Variants in ACCSL observed in about 807,000 individuals in gnomAD.
ACCSL encodes 1-aminocyclopropane-1-carboxylate synthase homolog (inactive) like, also known as probable inactive 1-aminocyclopropane-1-carboxylate synthase-like protein 2.
Under a neutral mutation model 61.7 loss-of-function variants are expected in ACCSL, and 55 were observed. The observed-to-expected ratio is 0.89, with a 90% CI of 0.72 to 1.12. The LOEUF (loss-of-function observed/expected upper bound fraction) is 1.12. Among genes scored for constraint, ACCSL ranks in the 50% most tolerant of loss-of-function variants. ACCSL has a pLI of 0.00. For synonymous variants in ACCSL, 258 were observed against 264.3 expected, an observed-to-expected ratio of 0.98 and a Z score of 0.23; for missense variants, 632 against 698.0, an observed-to-expected ratio of 0.91 and a Z score of 1.07.
At chr11:43,943,114 G>A in the ACCSL span, 7 of 1,499,094 alleles carry the variant, frequency 4.7e-6, no homozygotes, top group South Asian at 6.4e-5. The surrounding 1 kb of genome is among the most constrained non-coding windows in gnomAD (Gnocchi z 4.8). Context: ...AGGAGGAGGG[G>A]GTGTCCCCCA....
At chr11:43,953,705 G>A in the ACCSL span, among the ~76,000 whole-genome samples, 2 of 152,174 alleles carry the variant, frequency 1.3e-5, no homozygotes, top group Admixed American at 6.5e-5. Flanking sequence ...GCCATGTCAG[G>A]AAGTTCACCT....
At chr11:43,936,643 TG>T in the ACCSL span, among the ~76,000 whole-genome samples, 1 of 152,196 alleles carries the variant, frequency 6.6e-6, no homozygotes, top group Admixed American at 6.5e-5. Flanking sequence ...AATGAGTCCA[TG>T]GCGGCACTTA....
the ACCSL span, among the ~76,000 whole-genome samples, chr11:43,969,550 C>T: frequency 6.6e-6 from 1 of 152,118 alleles, no homozygotes; most frequent in Non-Finnish European, 1.5e-5. Flanking sequence ...GCTAGCTTCT[C>T]CCCTTCTCTT....
the ACCSL span, among the ~76,000 whole-genome samples, chr11:43,987,283 C>T: frequency 5.3e-5 from 8 of 152,234 alleles, no homozygotes; most frequent in Admixed American, 3.3e-4. Flanking sequence ...CACCAACCCA[C>T]TCTGGTAGCT....
At chr11:43,972,599 G>A in the ACCSL span, among the ~76,000 whole-genome samples, 3 of 152,140 alleles carry the variant, frequency 2.0e-5, no homozygotes, top group East Asian at 3.8e-4. Flanking sequence ...CATACCTCCC[G>A]GAAGGCTGGA....
At chr11:44,058,836 C>A in intron 13 of ACCSL, 137 bp downstream of exon 13, 1 of 1,106,744 alleles carries the variant, frequency 9.0e-7, no homozygotes, top group Non-Finnish European at 1.3e-6. Context: ...TAGTTAGGTG[C>A]TCTTGCAAAC....
At chr11:44,012,090 A>T in the ACCSL span, among the ~76,000 whole-genome samples, 1 of 151,916 alleles carries the variant, frequency 6.6e-6, no homozygotes, top group Non-Finnish European at 1.5e-5. Flanking sequence ...CTTCTCCTGG[A>T]TGATCCTCTG....
chr11:43,997,528 C>T, the ACCSL span, among the ~76,000 whole-genome samples: 1 of 152,206 alleles, frequency 6.6e-6, no homozygotes, highest in Non-Finnish European at 1.5e-5. Context: ...TCCTCTCCTA[C>T]TCTCCCCATT....
At chr11:44,051,306 C>T in intron 3 of ACCSL, 29 bp from the exon 4 acceptor site, 1 of 1,613,518 alleles carries the variant, frequency 6.2e-7, no homozygotes. Flanking sequence ...GGCCCGGAAG[C>T]CACAAGGTCT....
upstream of ACCSL, among the ~76,000 whole-genome samples, chr11:44,045,933 C>G (rs949034549): frequency 6.6e-6 from 1 of 152,168 alleles, no homozygotes; most frequent in Admixed American, 6.5e-5. Flanking sequence ...ACAATAGCTT[C>G]TTGTTCATTG....
the ACCSL span, among the ~76,000 whole-genome samples, chr11:44,019,965 T>C: frequency 6.6e-5 from 10 of 152,246 alleles, no homozygotes; most frequent in Non-Finnish European, 1.3e-4. Flanking sequence ...TCCTTTTGCA[T>C]GTGGATATCC....
the ACCSL span, among the ~76,000 whole-genome samples, chr11:43,941,100 A>C: frequency 1.3e-5 from 2 of 152,188 alleles, no homozygotes; most frequent in African/African-American, 4.8e-5. Context: ...CACGCATCAA[A>C]AGTGTGCAGA....
chr11:44,000,534 AAAAAG>A, the ACCSL span, among the ~76,000 whole-genome samples: 1 of 149,468 alleles, frequency 6.7e-6, no homozygotes, highest in South Asian at 2.2e-4. Flanking sequence ...TCAAAAAAAA[AAAAAG>A]AAAAGAAAAC....
At chr11:43,939,448 G>A in the ACCSL span, among the ~76,000 whole-genome samples, 5 of 152,132 alleles carry the variant, frequency 3.3e-5, no homozygotes, top group South Asian at 1.0e-3. Flanking sequence ...CAGTTCTGAT[G>A]TGAGCATTTC....
At chr11:43,924,181 T>C in the ACCSL span, among the ~76,000 whole-genome samples, 1 of 152,230 alleles carries the variant, frequency 6.6e-6, no homozygotes, top group African/African-American at 2.4e-5. Flanking sequence ...CTATGGCTGT[T>C]TTTGTTTTTT....
chr11:44,055,242 T>C lies in ACCSL; in HGVS notation c.1090T>C (p.Ser364Pro), dbSNP rs1410351274. The C allele has an allele frequency of 1.2e-6, 2 of 1,612,952 alleles. No homozygotes were observed. Among genetic ancestry groups the C allele is most frequent in the Admixed American group, 1.7e-5 (1 of 59,998 alleles). ...GATCATAGATGAGATTTACATGCTG[T>C]CTGTGTTTGATGAATCCATCACATT... ...HVIIDEIYML[S>P]VFDESITFHS... Residue 364 changes from serine to proline, a missense_variant, in exon 9 of 14, where the codon TCT becomes CCT. Ser to Pro is a moderately conservative substitution (Grantham distance 74). Coordinates refer to ENST00000378832, the MANE Select transcript of ACCSL (RefSeq NM_001031854.2).
intron 11 of ACCSL, among the ~76,000 whole-genome samples, chr11:44,056,736 GCAGGAGAATCTCCTGAACC>G (rs549159528): frequency 5.9e-5 from 9 of 152,286 alleles, no homozygotes; most frequent in African/African-American, 2.2e-4. Context: ...GGGGGCTGAG[GCAGGAGAATCTCCTGAACC>G]CAGGAGGCAG....
chr11:43,978,439 C>T, the ACCSL span, among the ~76,000 whole-genome samples: 2 of 152,144 alleles, frequency 1.3e-5, no homozygotes, highest in Non-Finnish European at 2.9e-5. Flanking sequence ...GAGATTGCTA[C>T]ATGTAAATTT....
At chr11:44,017,999 C>T in the ACCSL span, among the ~76,000 whole-genome samples, 10 of 152,082 alleles carry the variant, frequency 6.6e-5, no homozygotes, top group Non-Finnish European at 1.2e-4. Flanking sequence ...AAACCAGCAG[C>T]GTCTCCTGGG....
Sources: gnomAD v4.1 joint callset for allele counts (sites outside exome capture counted in the v4.1 genomes callset) on GRCh38, gnomAD v4.1.1 for gene constraint, Gnocchi (gnomAD v3.1) non-coding constraint, MANE v1.5 for transcripts, NCBI Gene and HGNC (gene_info 2026-07-23, HGNC 2026-07-21) for gene names.